The following PTPRT variants were observed in gnomAD, a reference collection of about 807,000 sequenced individuals.
The protein encoded by PTPRT is receptor-type tyrosine-protein phosphatase T.
In PTPRT, 56 loss-of-function variants were observed where a neutral mutation model predicts 176.8. That is an observed-to-expected ratio of 0.32 (90% CI 0.26 to 0.40). The LOEUF (loss-of-function observed/expected upper bound fraction) is 0.40. Among genes scored for constraint, PTPRT ranks in the 10% least tolerant of loss-of-function variants. The pLI is 1.00. For missense variants in PTPRT, 1,540 were observed against 1,908.2 expected (o/e 0.81, Z 3.60); for synonymous variants, 783 against 739.0 (o/e 1.06, Z -0.96).
chr20:42,365,255 G>A (rs1336623609), intron 9 of PTPRT, among the ~76,000 whole-genome samples: 2 of 152,072 alleles, frequency 1.3e-5, no homozygotes, highest in African/African-American at 4.8e-5. Flanking sequence ...GTGTTTAATA[G>A]CCACTTGTAG....
At chr20:42,401,600 C>T (rs140076506) in intron 9 of PTPRT, among the ~76,000 whole-genome samples, 1 of 152,242 alleles carries the variant, frequency 6.6e-6, no homozygotes, top group Non-Finnish European at 1.5e-5. Context: ...GAGGTGGATT[C>T]AAACACCTTC....
At chr20:42,356,217 C>T (rs1004973890) in intron 9 of PTPRT, among the ~76,000 whole-genome samples, 7 of 151,992 alleles carry the variant, frequency 4.6e-5, no homozygotes, top group East Asian at 3.9e-4. Context: ...GCGGGGAAAA[C>T]GGAAGATTTG....
At chr20:42,437,925 C>T (rs532672510) in intron 9 of PTPRT, among the ~76,000 whole-genome samples, 10 of 152,270 alleles carry the variant, frequency 6.6e-5, no homozygotes, top group Non-Finnish European at 8.8e-5. Flanking sequence ...CCAGCCTAGG[C>T]GGAATTCCAA....
rs142326912 is a variant in PTPRT at position 43,026,108 on chromosome 20, C to T, written c.89-140176G>A. Among the ~76,000 whole-genome samples, 1,447 of 151,998 alleles carry T rather than the reference C, an allele frequency of 9.5e-3. 25 individuals are homozygous for T. The highest frequency in any genetic ancestry group is 0.032 in the African/African-American group (1,343 of 41,446). ...CTCAGGATGACACTATATTTAGAGA[C>T]ATTATTGTTTTGTTTTGTTTTTTCT... On this transcript the variant is annotated intron_variant, in intron 1 of 30. Transcript: ENST00000373187.
chr20:42,070,354 C>T (rs1229867461), downstream of PTPRT, among the ~76,000 whole-genome samples: 6 of 151,552 alleles, frequency 4.0e-5, no homozygotes, highest in Non-Finnish European at 7.4e-5. Flanking sequence ...CACTCCAGGT[C>T]TAGCCACACA....
intron 9 of PTPRT, among the ~76,000 whole-genome samples, chr20:42,429,777 G>T (rs992275159): frequency 6.6e-6 from 1 of 152,234 alleles, no homozygotes; most frequent in African/African-American, 2.4e-5. Flanking sequence ...CAAGTAGGAA[G>T]CCCTCATCCA....
chr20:42,889,863 C>T (rs549391975), intron 1 of PTPRT, among the ~76,000 whole-genome samples: 29 of 152,312 alleles, frequency 1.9e-4, no homozygotes, highest in African/African-American at 2.4e-4. Context: ...CGATTTTCCA[C>T]GTGTTCCTTT....
chr20:42,586,118 A>T (rs993421502), intron 7 of PTPRT, among the ~76,000 whole-genome samples: 7 of 152,160 alleles, frequency 4.6e-5, no homozygotes, highest in African/African-American at 1.7e-4. Context: ...ATTACCAGCG[A>T]TTCCCTACAA....
intron 2 of PTPRT, among the ~76,000 whole-genome samples, chr20:42,799,668 A>C (rs1349922501): frequency 1.3e-5 from 2 of 152,240 alleles, no homozygotes; most frequent in East Asian, 3.8e-4. Flanking sequence ...TTCATTTGGC[A>C]AAGTCCAGAT....
chr20:42,470,298 C>A (rs61066314), intron 8 of PTPRT, among the ~76,000 whole-genome samples: 1,920 of 152,308 alleles, frequency 0.013, 48 homozygotes, highest in African/African-American at 0.044. Flanking sequence ...TGGCAGCTTC[C>A]TTGCCTAACT....
chr20:42,470,447 G>C (rs2071173442), intron 8 of PTPRT, among the ~76,000 whole-genome samples: 2 of 151,992 alleles, frequency 1.3e-5, no homozygotes, highest in Admixed American at 1.3e-4. Flanking sequence ...TCCCCTCCCA[G>C]TCTCCCCTGG....
At chr20:42,427,046 C>T (rs561530911) in intron 9 of PTPRT, among the ~76,000 whole-genome samples, 2 of 152,306 alleles carry the variant, frequency 1.3e-5, no homozygotes, top group South Asian at 2.1e-4. Flanking sequence ...CCTGGCCCCA[C>T]CCCTGAAGTT....
intron 1 of PTPRT, among the ~76,000 whole-genome samples, chr20:43,016,174 C>A (rs938551094): frequency 6.6e-6 from 1 of 152,172 alleles, no homozygotes; most frequent in South Asian, 2.1e-4. Context: ...GGGTATGGAG[C>A]AAGGTCCCCA....
intron 1 of PTPRT, among the ~76,000 whole-genome samples, chr20:42,939,860 C>G (rs1980431617): frequency 6.6e-6 from 1 of 152,186 alleles, no homozygotes; most frequent in East Asian, 1.9e-4. Flanking sequence ...ATTCACCTTA[C>G]CTTCATCTGT....
chr20:42,971,201 A>G (rs1172644628), intron 1 of PTPRT: 2 of 152,266 alleles, frequency 1.3e-5, no homozygotes, highest in East Asian at 1.9e-4. Flanking sequence ...AGCATTTCAA[A>G]GAAGAGTCAA....
intron 7 of PTPRT, among the ~76,000 whole-genome samples, chr20:42,538,982 C>T (rs528134945): frequency 6.6e-6 from 1 of 152,286 alleles, no homozygotes; most frequent in African/African-American, 2.4e-5. Flanking sequence ...TAATTCTCCC[C>T]CTCAGGTATT....
At chr20:42,287,123 T>C (rs1236808666) in intron 12 of PTPRT, among the ~76,000 whole-genome samples, 1 of 151,962 alleles carries the variant, frequency 6.6e-6, no homozygotes, top group Non-Finnish European at 1.5e-5. Context: ...GGAACTCTTA[T>C]ACATTGTTGA....
intron 1 of PTPRT, among the ~76,000 whole-genome samples, chr20:43,077,505 C>T (rs1044041002): frequency 2.0e-5 from 3 of 152,172 alleles, no homozygotes; most frequent in African/African-American, 7.2e-5. Context: ...GATCATGATA[C>T]TCACTTCAGC....
In PTPRT at chr20:43,185,468, A is replaced by AT. The variant is rs1298206141; in HGVS notation, c.88+4177dup. Among the ~76,000 whole-genome samples, 3 of 152,354 alleles carry AT rather than the reference A, an allele frequency of 2.0e-5. No homozygotes were observed. In the East Asian group the frequency reaches 5.8e-4, roughly 29 times the overall value. On this transcript the variant is annotated intron_variant, in intron 1 of 30. Transcript: ENST00000373187. ...TTGTGTCCTGACGCAATATGTAGCC[A>AT]TTTGTGGTTTATCAACACTTCTAAG... is the stretch of plus-strand genomic sequence containing the variant.
Sources: allele counts gnomAD v4.1 joint callset (sites outside exome capture counted in the v4.1 genomes callset), GRCh38; gene constraint gnomAD v4.1.1; transcripts MANE v1.5; gene names NCBI Gene and HGNC (gene_info 2026-07-23, HGNC 2026-07-21).